The following ESPN variants were observed in gnomAD, a reference collection of about 807,000 sequenced individuals.
ESPN encodes autosomal recessive deafness type 36 protein.
A neutral mutation model predicts 77.7 loss-of-function variants in ESPN; 68 were observed. The ratio of observed to expected loss-of-function variants is 0.87; its 90% CI spans 0.72 to 1.07. The LOEUF is 1.07. Among genes scored for constraint, ESPN ranks in the 50% least tolerant of loss-of-function variants. The pLI is 0.00. For missense variants in ESPN, 1,060 were observed against 1,239.0 expected (o/e 0.86, Z 2.17); for synonymous variants, 449 against 567.1 (o/e 0.79, Z 2.96).
chr1:6,457,407 A>C, intron 12 of ESPN, 35 bp downstream of exon 12: 1 of 1,614,188 alleles, frequency 6.2e-7, no homozygotes, highest in Non-Finnish European at 8.5e-7. Flanking sequence ...TGCCACCCTT[A>C]TCCCCACCCA....
chr1:6,445,972 G>T, intron 7 of ESPN, 37 bp downstream of exon 7: 2 of 1,609,722 alleles, frequency 1.2e-6, no homozygotes, highest in South Asian at 2.2e-5. Context: ...CTCCCAGCAG[G>T]GGGACTGGGC....
At chr1:6,452,864 C>T (rs1643973483) in intron 10 of ESPN, among the ~76,000 whole-genome samples, 1 of 152,060 alleles carries the variant, frequency 6.6e-6, no homozygotes, top group African/African-American at 2.4e-5. Flanking sequence ...TTTTATTCAT[C>T]CAACAACTAT....
At chr1:6,443,944 G>A (rs1246174168) in intron 5 of ESPN, among the ~76,000 whole-genome samples, 1 of 152,232 alleles carries the variant, frequency 6.6e-6, no homozygotes, top group Non-Finnish European at 1.5e-5. Flanking sequence ...GGGGATGGCA[G>A]GCCTGGCAGC....
At position 6,445,801 on chromosome 1, in the gene ESPN, C is replaced by T; in HGVS notation, c.1330C>T (p.Pro444Ser). The change falls in exon 7 of 13, where the codon CCA becomes TCA. Residue 444 changes from proline to serine, a missense_variant. Coordinates refer to ENST00000645284, the MANE Select transcript of ESPN (RefSeq NM_031475.3). ...PPSFPPPPPP[P>S]GTQLPPPPPG... Reference sequence around the variant, plus strand: ...CAGCTTCCCCCCGCCACCCCCGCCCCCAGGCACCCAACTGCCCCCACCCCC... The same window carrying T: ...CAGCTTCCCCCCGCCACCCCCGCCCTCAGGCACCCAACTGCCCCCACCCCC... 1.4e-6 allele frequency: 2 copies of T among 1,452,616 alleles called. No individual in the cohort carries two copies. The highest frequency in any genetic ancestry group is 1.9e-6 in the Non-Finnish European group (2 of 1,060,400). 90.0% of individuals were successfully genotyped at this position (1,452,616 alleles called of 1,614,324 possible). A position where few individuals can be genotyped will look rare whatever the true frequency, so the allele number is the denominator to read the frequency against.
chr1:6,455,671 T>G (rs1644042308), intron 10 of ESPN: 1 of 398,972 alleles, frequency 2.5e-6, no homozygotes, highest in Non-Finnish European at 4.4e-6. Flanking sequence ...TTCCAGCTAC[T>G]CGAGATGGGC....
intron 3 of ESPN, 48 bp from the exon 4 acceptor site, chr1:6,440,578 G>A (rs1348596752): frequency 1.9e-6 from 2 of 1,064,116 alleles, no homozygotes; most frequent in South Asian, 1.5e-5. Context: ...GGCCTACAGG[G>A]GCCTGGCGCC....
Position 6,460,195 on chromosome 1 carries a change from C to T in ESPN, c.*49C>T. 2 of 1,589,578 alleles carry T rather than the reference C, an allele frequency of 1.3e-6. No individual in the cohort carries two copies. Among genetic ancestry groups the T allele is most frequent in the Non-Finnish European group, 1.7e-6 (2 of 1,164,920 alleles). ...CCTCGCAGCTCCGTGGGGCCCTCCG[C>T]CCCAGCCCCAGCCAGCCAGGCCCTG... On this transcript the variant is annotated 3_prime_UTR_variant, in exon 13 of 13. Transcript: ENST00000645284.
Position 6,448,980 on chromosome 1 carries a change from C to T in ESPN, c.1804C>T (p.Pro602Ser), listed in dbSNP as rs1219257039. Residue 602 changes from proline (P) to serine (S), a missense_variant, in exon 8 of 13, where the codon CCG becomes TCG. Physicochemically the swap from Pro to Ser is moderately conservative, Grantham distance 74. Coordinates refer to ENST00000645284, the MANE Select transcript of ESPN (RefSeq NM_031475.3). ...GGAGCTGCCACCGCCGCCCCCACCG[C>T]CGCCGCCGCCCCTGCCGGAGGCCGC... ...SRELPPPPPP[P>S]PPPLPEAASS... 2.1e-6 allele frequency: 3 copies of T among 1,430,658 alleles called. No homozygotes were observed. The highest frequency in any genetic ancestry group is 2.8e-5 in the Admixed American group (1 of 35,372). The allele number at this position is 1,430,658 out of a possible 1,614,324, so 88.6% of individuals were successfully genotyped here. A position where few individuals can be genotyped will look rare whatever the true frequency, so the allele number is the denominator to read the frequency against.
At chr1:6,434,950 G>A (rs1312201317) in intron 2 of ESPN, among the ~76,000 whole-genome samples, 4 of 151,974 alleles carry the variant, frequency 2.6e-5, no homozygotes, top group African/African-American at 4.8e-5. Flanking sequence ...GAGGTGTAGA[G>A]GCCTCAGGTG....
intron 5 of ESPN, among the ~76,000 whole-genome samples, chr1:6,444,133 A>G (rs1202441047): frequency 6.6e-6 from 1 of 152,154 alleles, no homozygotes; most frequent in Non-Finnish European, 1.5e-5. Flanking sequence ...GCGCCTCCCC[A>G]TGGAGCCTCT....
chr1:6,452,013 C>T lies in ESPN; in HGVS notation c.2242C>T (p.Arg748Trp), dbSNP rs1268519230. ...ALIPTHDEQG[R>W]PIPEWKRQVM... is the part of the protein sequence containing the mutation. The stretch of plus-strand genomic sequence containing the variant: ...CATCCCCACGCACGATGAGCAGGGC[C>T]GGCCCATCCCCGAGTGGAAGCGCCA... The change falls in exon 10 of 13, where the codon CGG (arginine) becomes TGG (tryptophan). Residue 748 changes from arginine (R) to tryptophan (W), a missense_variant. By Grantham distance (101) the Arg-to-Trp change is moderately radical. This residue lies in a region of ESPN where 374 missense variants were observed against 381.4 expected (regional missense o/e 0.98). Coordinates refer to ENST00000645284, the MANE Select transcript of ESPN (RefSeq NM_031475.3). 40 of 1,600,140 alleles carry T rather than the reference C, an allele frequency of 2.5e-5. No homozygotes were observed. The highest frequency in any genetic ancestry group is 3.4e-5 in the South Asian group (3 of 89,064).
chr1:6,433,542 G>A (rs138991735), intron 2 of ESPN, among the ~76,000 whole-genome samples: 1,694 of 152,008 alleles, frequency 0.011, 29 homozygotes, highest in African/African-American at 0.038. Flanking sequence ...AGGAGGCAGC[G>A]GTTGCAGTGA....
chr1:6,456,592 G>A, intron 10 of ESPN: 1 of 178,706 alleles, frequency 5.6e-6, no homozygotes. Context: ...TGCCACGTGT[G>A]CAGTGTTCTG....
rs1261574213 is a variant in ESPN, at chr1:6,460,312, C to A, written c.*166C>A. On this transcript the variant is annotated 3_prime_UTR_variant, in exon 13 of 13. Transcript: ENST00000645284. ...GGCCCCCCGTATCCCCAGCCCTTGG[C>A]AACACTGGAGTGCACACGCCGCCAC... 3.4e-6 allele frequency: 3 copies of A among 885,738 alleles called. No individual in the cohort carries two copies. The highest frequency in any genetic ancestry group is 3.4e-5 in the African/African-American group (2 of 59,000). 54.9% of individuals were successfully genotyped at this position (885,738 alleles called of 1,614,324 possible). A position where few individuals can be genotyped will look rare whatever the true frequency, so the allele number is the denominator to read the frequency against.
intron 5 of ESPN, among the ~76,000 whole-genome samples, chr1:6,443,821 G>A (rs1172372241): frequency 3.3e-5 from 5 of 152,200 alleles, no homozygotes; most frequent in Non-Finnish European, 7.4e-5. Context: ...CGGAGCAAGC[G>A]GGCTTGCCGG....
Position 6,444,465 on chromosome 1 carries a change from C to T in ESPN, c.991-16C>T, listed in dbSNP as rs772216142. The T allele has an allele frequency of 1.2e-6, 2 of 1,613,802 alleles. No homozygotes were observed. Among genetic ancestry groups the T allele is most frequent in the African/African-American group, 2.7e-5 (2 of 74,938 alleles). ...GGGGTATGGTTGTCTTCATGGCCTC[C>T]CTGCCTCCCCTTCAGAGCGTGGAGC... is the stretch of plus-strand genomic sequence containing the variant. On this transcript the variant is annotated splice_polypyrimidine_tract_variant and intron_variant, in intron 5 of 12. Coordinates refer to ENST00000645284, the MANE Select transcript of ESPN (RefSeq NM_031475.3).
intron 1 of ESPN, among the ~76,000 whole-genome samples, chr1:6,426,135 C>T (rs564906744): frequency 6.6e-6 from 1 of 152,174 alleles, no homozygotes; most frequent in South Asian, 2.1e-4. Context: ...ACTGGGTGAC[C>T]TGGAGATGGA....
chr1:6,460,048 C>T lies in ESPN; in HGVS notation c.2467C>T (p.Gln823Ter), dbSNP rs917881418. 1 of 1,613,504 alleles carries T rather than the reference C, an allele frequency of 6.2e-7. No homozygotes were observed. The highest frequency in any genetic ancestry group is 8.5e-7 in the Non-Finnish European group (1 of 1,180,020). Residue 823 changes from glutamine (Q) to a stop codon, truncating the protein, a stop_gained, in exon 13 of 13, where the codon CAG becomes TAG. Coordinates refer to ENST00000645284, the MANE Select transcript of ESPN (RefSeq NM_031475.3). LOFTEE classifies it high-confidence loss of function. Reference sequence around the variant, plus strand: ...GGAGGAGCTGCGGCGGGAGAAGGAACAGTCAGAGAAGCTGCGGACGCTGGG... The same window carrying T: ...GGAGGAGCTGCGGCGGGAGAAGGAATAGTCAGAGAAGCTGCGGACGCTGGG... ...KQEELRREKE[Q>*]SEKLRTLGYD... is the part of the protein sequence containing the mutation.
At chr1:6,455,816 CT>C (rs1157630123) in intron 10 of ESPN, 1 of 398,832 alleles carries the variant, frequency 2.5e-6, no homozygotes, top group Non-Finnish European at 4.4e-6. Context: ...GCCGGCGCGG[CT>C]GGAGCGACGG....
Sources: gnomAD v4.1 joint callset for allele counts (sites outside exome capture counted in the v4.1 genomes callset) on GRCh38, gnomAD v4.1.1 for gene constraint, gnomAD v4.1.1 regional missense constraint, MANE v1.5 for transcripts, NCBI Gene and HGNC (gene_info 2026-07-23, HGNC 2026-07-21) for gene names.